The following PLCB4 variants were observed in gnomAD, a reference collection of about 807,000 sequenced individuals.
PLCB4 encodes the protein phospholipase C beta 4.
PLCB4 carries 77 observed loss-of-function variants against 178.8 expected under a neutral mutation model. That is an observed-to-expected ratio of 0.43 (90% CI 0.36 to 0.52). The LOEUF (loss-of-function observed/expected upper bound fraction) is 0.52. Ranked by LOEUF, PLCB4 falls within the 20% of genes least tolerant of loss-of-function variation. PLCB4 has a pLI of 0.00. For synonymous variants in PLCB4, 496 were observed against 490.8 expected (o/e 1.01, Z -0.14); for missense variants, 1,024 against 1,453.4 (o/e 0.70, Z 4.80).
chr20:9,171,521 A>G (rs1568887811), intron 2 of PLCB4, among the ~76,000 whole-genome samples: 1 of 152,204 alleles, frequency 6.6e-6, no homozygotes. Context: ...GTGCATATTT[A>G]TTCTAATCTT....
intron 15 of PLCB4, among the ~76,000 whole-genome samples, chr20:9,388,203 AT>A (rs1344895846): frequency 2.0e-5 from 3 of 152,236 alleles, no homozygotes; most frequent in African/African-American, 7.2e-5. Flanking sequence ...ACACTGTTGC[AT>A]TCTAGCCTGG....
intron 1 of PLCB4, among the ~76,000 whole-genome samples, chr20:9,086,449 GGTCAAGTCAT>G (rs2090426970): frequency 6.6e-6 from 1 of 152,006 alleles, no homozygotes; most frequent in African/African-American, 2.4e-5. Flanking sequence ...GAGTGACCTT[GGTCAAGTCAT>G]TGACCTCGTC....
intron 7 of PLCB4, among the ~76,000 whole-genome samples, chr20:9,343,873 T>C (rs910776723): frequency 6.6e-6 from 1 of 152,204 alleles, no homozygotes; most frequent in African/African-American, 2.4e-5. Context: ...TACTGTTTGC[T>C]CTACCCTCAG....
chr20:9,300,488 T>TA (rs987806230), intron 3 of PLCB4, among the ~76,000 whole-genome samples: 20 of 152,270 alleles, frequency 1.3e-4, no homozygotes, highest in African/African-American at 4.1e-4. Context: ...CAAATAGGAA[T>TA]AAAAAATGAA....
chr20:9,432,630 G>A (rs942281514), intron 28 of PLCB4, among the ~76,000 whole-genome samples: 8 of 152,208 alleles, frequency 5.3e-5, no homozygotes, highest in Non-Finnish European at 1.0e-4. Flanking sequence ...GCAAGAAGAG[G>A]CATTTGGGAG....
At chr20:9,228,746 A>G (rs1003643668) in intron 3 of PLCB4, among the ~76,000 whole-genome samples, 1 of 152,234 alleles carries the variant, frequency 6.6e-6, no homozygotes, top group Non-Finnish European at 1.5e-5. Flanking sequence ...TTCAGTAACT[A>G]TAATGGGAGA....
intron 7 of PLCB4, among the ~76,000 whole-genome samples, chr20:9,346,940 G>T (rs1408826803): frequency 6.6e-6 from 1 of 152,134 alleles, no homozygotes; most frequent in East Asian, 1.9e-4. Context: ...TTCCTCTGTG[G>T]CTCCTTCTTC....
At chr20:9,328,181 G>C (rs6056551) in intron 4 of PLCB4, among the ~76,000 whole-genome samples, 7 of 151,968 alleles carry the variant, frequency 4.6e-5, no homozygotes, top group African/African-American at 1.7e-4. Context: ...AACAAGCAGC[G>C]AAAATGATCT....
At chr20:9,395,933 A>G (rs942140576) in intron 19 of PLCB4, among the ~76,000 whole-genome samples, 8 of 152,164 alleles carry the variant, frequency 5.3e-5, no homozygotes, top group Non-Finnish European at 1.0e-4. Context: ...ATGTAATCCT[A>G]CCACTGCACT....
intron 14 of PLCB4, 37 bp downstream of exon 14, chr20:9,384,448 T>C (rs201246427): frequency 2.2e-6 from 3 of 1,371,588 alleles, no homozygotes; most frequent in East Asian, 4.6e-5. Context: ...TTTTTGTGTG[T>C]GATGCCCTTC....
rs143716072 is a variant in PLCB4 at position 9,480,037 on chromosome 20, G to A, written c.*1028G>A. The A allele has an allele frequency of 6.6e-6, 1 of 152,626 alleles. No individual in the cohort carries two copies. The highest frequency in any genetic ancestry group is 1.9e-4 in the East Asian group (1 of 5,192). 9.5% of individuals were successfully genotyped at this position (152,626 alleles called of 1,614,324 possible). On this transcript the variant is annotated 3_prime_UTR_variant, in exon 40 of 40. Coordinates refer to ENST00000378473, the MANE Select transcript of PLCB4 (RefSeq NM_001377142.1). Reference sequence around the variant, plus strand: ...ATATATATATGTGTATATGAATTATGTGGGCATTCTTGATACTTCAAGTTC... The same window carrying A: ...ATATATATATGTGTATATGAATTATATGGGCATTCTTGATACTTCAAGTTC...
At chr20:9,109,277 G>A (rs532972530) in intron 2 of PLCB4, among the ~76,000 whole-genome samples, 3 of 151,954 alleles carry the variant, frequency 2.0e-5, no homozygotes, top group African/African-American at 7.2e-5. Context: ...TAAAACAAAA[G>A]AAAACAAAAA....
chr20:9,266,976 T>C (rs916911889), intron 3 of PLCB4, among the ~76,000 whole-genome samples: 1 of 152,170 alleles, frequency 6.6e-6, no homozygotes, highest in African/African-American at 2.4e-5. Context: ...TACCTTAGGA[T>C]AGAGATAGGC....
chr20:9,142,106 A>G (rs1306046174), intron 2 of PLCB4, among the ~76,000 whole-genome samples: 4 of 152,072 alleles, frequency 2.6e-5, no homozygotes, highest in Admixed American at 1.3e-4. Context: ...TTGGAACATT[A>G]TTTCCTTTGC....
rs183843354 is a variant in PLCB4, at chr20:9,164,436, C to T, written c.-78-52954C>T. ...TGACTTGCCCAACATCAAACCATCT[C>T]ATGTCTTCTGAATCATTTTTTAAGT... On this transcript the variant is annotated intron_variant, in intron 2 of 39. Coordinates refer to ENST00000378473, the MANE Select transcript of PLCB4 (RefSeq NM_001377142.1). Among the ~76,000 whole-genome samples the T allele has an allele frequency of 1.1e-3, 172 of 152,232 alleles. No individual in the cohort carries two copies. The Middle Eastern group carries it at 0.037, about 33-fold the overall frequency.
chr20:9,475,012 G>T (rs879706437), intron 38 of PLCB4, among the ~76,000 whole-genome samples: 1 of 152,204 alleles, frequency 6.6e-6, no homozygotes, highest in African/African-American at 2.4e-5. Flanking sequence ...ATGGGAATAT[G>T]AGTAAGGATA....
At chr20:9,312,097 AT>A (rs1399080314) in intron 4 of PLCB4, among the ~76,000 whole-genome samples, 13 of 152,238 alleles carry the variant, frequency 8.5e-5, no homozygotes, top group African/African-American at 3.1e-4. Context: ...TTCTCAGTGC[AT>A]TCCGTTGGAA....
intron 3 of PLCB4, among the ~76,000 whole-genome samples, chr20:9,257,308 CAA>C (rs2094246447): frequency 6.6e-6 from 1 of 152,108 alleles, no homozygotes; most frequent in Non-Finnish European, 1.5e-5. Context: ...TAAAATGACA[CAA>C]GTGAGAATAG....
intron 3 of PLCB4, among the ~76,000 whole-genome samples, chr20:9,284,677 T>C (rs538445600): frequency 6.6e-6 from 1 of 152,102 alleles, no homozygotes; most frequent in South Asian, 2.1e-4. Flanking sequence ...TTGCTAATCA[T>C]CAGTATCTAT....
Sources: allele counts gnomAD v4.1 joint callset (sites outside exome capture counted in the v4.1 genomes callset), GRCh38; gene constraint gnomAD v4.1.1; transcripts MANE v1.5; gene names NCBI Gene and HGNC (gene_info 2026-07-23, HGNC 2026-07-21).